LRBA: variants seen among roughly 807,000 people sequenced by gnomAD.
LRBA encodes the protein lipopolysaccharide-responsive and beige-like anchor protein.
In LRBA, 176 loss-of-function variants were observed where a neutral mutation model predicts 330.0. That is an observed-to-expected ratio of 0.53 (90% CI 0.47 to 0.60). The LOEUF (loss-of-function observed/expected upper bound fraction) is 0.60. Ranked by LOEUF, LRBA falls within the 20% of genes least tolerant of loss-of-function variation. The pLI is 0.00. For missense variants in LRBA, 3,259 were observed against 3,444.8 expected (o/e 0.95, Z 1.35); for synonymous variants, 1,230 against 1,193.0 (o/e 1.03, Z -0.64).
intron 48 of LRBA, among the ~76,000 whole-genome samples, chr4:150,336,493 T>C (rs1190509480): frequency 6.6e-6 from 1 of 151,428 alleles, no homozygotes; most frequent in African/African-American, 2.4e-5. Context: ...ATGGAGTACA[T>C]AAAAAATAAA....
chr4:150,320,286 C>A (rs1732310433), intron 50 of LRBA, among the ~76,000 whole-genome samples: 1 of 152,124 alleles, frequency 6.6e-6, no homozygotes, highest in South Asian at 2.1e-4. Context: ...GATAAACTTT[C>A]AATGCCTCTT....
At chr4:150,947,761 AT>A (rs1736394896) in intron 2 of LRBA, among the ~76,000 whole-genome samples, 2 of 152,080 alleles carry the variant, frequency 1.3e-5, no homozygotes, top group African/African-American at 4.8e-5. Flanking sequence ...CACCAAAGAC[AT>A]TTCCAAAAAC....
intron 35 of LRBA, among the ~76,000 whole-genome samples, chr4:150,739,841 A>C (rs1731709568): frequency 6.6e-6 from 1 of 152,164 alleles, no homozygotes; most frequent in Non-Finnish European, 1.5e-5. Flanking sequence ...GCCAACAATC[A>C]CATGATCATG....
intron 46 of LRBA, chr4:150,423,238 C>G: frequency 1.6e-6 from 2 of 1,255,794 alleles, no homozygotes; most frequent in Non-Finnish European, 2.3e-6. Context: ...GCCAAGCAAA[C>G]AAGAGCTGAC....
At position 150,279,373 on chromosome 4, in the gene LRBA, T is replaced by C. The variant is rs536101755; in HGVS notation, c.8317-1369A>G. Among the ~76,000 whole-genome samples the C allele has an allele frequency of 3.9e-5, 6 of 152,328 alleles. No homozygotes were observed. The East Asian group carries it at 1.2e-3, about 29-fold the overall frequency. On this transcript the variant is annotated intron_variant, in intron 55 of 56. Transcript: ENST00000651943. ...TTCTTAGCTTATTAAGATACAAATT[T>C]CCTTTCTTTAGTGGATGGCATCAGA...
At position 150,853,083 on chromosome 4, in the gene LRBA, A is replaced by G. The variant is rs74719420; in HGVS notation, c.2767-140T>C. The stretch of plus-strand genomic sequence containing the variant: ...TTTTCCTATATTTTATTTTAGTAGA[A>G]TGATAAATGTAAGTCAATCACAGAA... On this transcript the variant is annotated intron_variant, in intron 22 of 56. Transcript: ENST00000651943. 6.8e-4 allele frequency: 300 copies of G among 441,828 alleles called. 2 individuals are homozygous for G. The East Asian group carries it at 9.6e-3, about 14-fold the overall frequency. 27.4% of individuals were successfully genotyped at this position (441,828 alleles called of 1,614,324 possible). A position where few individuals can be genotyped will look rare whatever the true frequency, so the allele number is the denominator to read the frequency against.
rs1762097085 is a variant in LRBA at position 150,514,109 on chromosome 4, G to C, written c.6331-23074C>G. Among the ~76,000 whole-genome samples, 3 of 152,136 alleles carry C rather than the reference G, an allele frequency of 2.0e-5. No homozygotes were observed. In the South Asian group the frequency reaches 6.2e-4, roughly 31 times the overall value. ...GTTTTTGAGATGGAGTTTCACTCTTGTCACCCAGGCTGGAGTGCAATGGCA... is the reference window on the plus strand; with the variant it reads ...GTTTTTGAGATGGAGTTTCACTCTTCTCACCCAGGCTGGAGTGCAATGGCA... On this transcript the variant is annotated intron_variant, in intron 40 of 56. Transcript: ENST00000651943.
At chr4:150,270,046 G>T (rs1745861231) in intron 56 of LRBA, among the ~76,000 whole-genome samples, 1 of 152,212 alleles carries the variant, frequency 6.6e-6, no homozygotes, top group African/African-American at 2.4e-5. Flanking sequence ...ACCACAATGA[G>T]AGACCACGCC....
Position 150,517,800 on chromosome 4 carries a change from AG to A in LRBA, c.6331-26766del, listed in dbSNP as rs1206903943. Among the ~76,000 whole-genome samples, 3 of 152,176 alleles carry A rather than the reference AG, an allele frequency of 2.0e-5. No homozygotes were observed. In the East Asian group the frequency reaches 5.8e-4, roughly 29 times the overall value. ...CTTATCCACTCAGAGGTATGTTTCAAGACCCCTTAGGGGACATCTGACACCA... is the reference window on the plus strand; with the variant it reads ...CTTATCCACTCAGAGGTATGTTTCAAACCCCTTAGGGGACATCTGACACCA... On this transcript the variant is annotated intron_variant, in intron 40 of 56. Coordinates refer to ENST00000651943, the MANE Select transcript of LRBA (RefSeq NM_001364905.1).
chr4:150,875,422 AG>A (rs1753902133), intron 17 of LRBA, among the ~76,000 whole-genome samples: 1 of 152,212 alleles, frequency 6.6e-6, no homozygotes, highest in Non-Finnish European at 1.5e-5. Context: ...AGAGCATAGA[AG>A]GGAGCTCAGA....
chr4:150,573,488 G>A (rs538974558), intron 40 of LRBA, among the ~76,000 whole-genome samples: 2 of 152,222 alleles, frequency 1.3e-5, no homozygotes, highest in South Asian at 2.1e-4. Context: ...AAATAACAAT[G>A]CCCATTTAAG....
At chr4:150,919,471 G>A (rs1349942036) in intron 5 of LRBA, among the ~76,000 whole-genome samples, 1 of 152,018 alleles carries the variant, frequency 6.6e-6, no homozygotes, top group African/African-American at 2.4e-5. Flanking sequence ...TCTTTTATAT[G>A]TATTAGATAA....
At chr4:151,008,450 G>A (rs1020078399) in intron 2 of LRBA, among the ~76,000 whole-genome samples, 2 of 151,956 alleles carry the variant, frequency 1.3e-5, no homozygotes, top group African/African-American at 4.8e-5. Flanking sequence ...TTGGTTCCAG[G>A]ACTCCTGCAT....
chr4:150,968,234 C>T (rs542548045), intron 2 of LRBA, among the ~76,000 whole-genome samples: 1 of 152,202 alleles, frequency 6.6e-6, no homozygotes, highest in Non-Finnish European at 1.5e-5. Context: ...GAACTCCTGA[C>T]CTCAAGTGAT....
At position 150,311,975 on chromosome 4, in the gene LRBA, C is replaced by T. The variant is rs369437067; in HGVS notation, c.7694-1591G>A. ...TATGTGGTACTTTCTGCACTGGTTA[C>T]TGCAGTACTTTGTTCCACATGAGAG... On this transcript the variant is annotated intron_variant, in intron 51 of 56. Transcript: ENST00000651943. Among the ~76,000 whole-genome samples the T allele has an allele frequency of 5.9e-5, 9 of 152,130 alleles. No individual in the cohort carries two copies. In the East Asian group the frequency reaches 1.2e-3, roughly 20 times the overall value.
At chr4:150,681,194 C>A (rs972842882) in intron 37 of LRBA, among the ~76,000 whole-genome samples, 1 of 152,174 alleles carries the variant, frequency 6.6e-6, no homozygotes, top group Non-Finnish European at 1.5e-5. Context: ...ACTCTGATTT[C>A]TCTCTAATGC....
chr4:151,004,609 A>G (rs1367565894), intron 2 of LRBA, among the ~76,000 whole-genome samples: 1 of 152,264 alleles, frequency 6.6e-6, no homozygotes, highest in Non-Finnish European at 1.5e-5. Context: ...TGACTAAGGC[A>G]GGGTACTCTT....
At chr4:150,814,533 G>C (rs1238309359) in intron 31 of LRBA, among the ~76,000 whole-genome samples, 9 of 151,678 alleles carry the variant, frequency 5.9e-5, no homozygotes, top group Non-Finnish European at 1.2e-4. Context: ...CAGTGAAAGA[G>C]GAAAAAGAAG....
intron 56 of LRBA, 92 bp downstream of exon 56, chr4:150,277,761 C>G (rs1203789683): frequency 2.3e-6 from 3 of 1,307,320 alleles, no homozygotes; most frequent in Non-Finnish European, 3.2e-6. Context: ...CTCAGCCTCC[C>G]AAAGTACTGG....
Sources: gnomAD v4.1 joint callset for allele counts (sites outside exome capture counted in the v4.1 genomes callset) on GRCh38, gnomAD v4.1.1 for gene constraint, MANE v1.5 for transcripts, NCBI Gene and HGNC (gene_info 2026-07-23, HGNC 2026-07-21) for gene names.